Variants in CCDC102B observed in about 807,000 individuals in gnomAD.
CCDC102B encodes the protein coiled-coil domain-containing protein 102B.
In CCDC102B, 75 loss-of-function variants were observed where a neutral mutation model predicts 57.4. The ratio of observed to expected loss-of-function variants is 1.31; its 90% confidence interval spans 1.08 to 1.58. The LOEUF is 1.58. Ranked by LOEUF, CCDC102B falls within the 40% of genes most tolerant of loss-of-function variation. CCDC102B has a pLI of 0.00. For missense variants in CCDC102B, 636 were observed against 582.6 expected, an observed-to-expected ratio of 1.09 and a Z score of -0.94; for synonymous variants, 206 against 201.9, an observed-to-expected ratio of 1.02 and a Z score of -0.17.
intron 2 of CCDC102B, among the ~76,000 whole-genome samples, chr18:68,790,574 T>G (rs2035416517): frequency 6.6e-6 from 1 of 152,170 alleles, no homozygotes; most frequent in African/African-American, 2.4e-5. Context: ...AGTATTCGGG[T>G]GGGAGTGACC....
rs552594651 is a variant in CCDC102B at position 68,879,874 on chromosome 18, G to A, written c.1053+5089G>A. On this transcript the variant is annotated intron_variant, in intron 5 of 7. Transcript: ENST00000360242. ...TGCCGATTGGTGTATTTACAATCCC[G>A]GGGCTAGACATAAAGGTTCTCCACG... Among the ~76,000 whole-genome samples, 406 of 152,014 alleles carry A rather than the reference G, an allele frequency of 2.7e-3. 4 individuals are homozygous for A. The highest frequency in any genetic ancestry group is 5.2e-3 in the Non-Finnish European group (350 of 67,960).
intron 7 of CCDC102B, among the ~76,000 whole-genome samples, chr18:69,014,052 A>T (rs1211102725): frequency 6.6e-6 from 1 of 152,160 alleles, no homozygotes; most frequent in African/African-American, 2.4e-5. Flanking sequence ...AACATCTTCT[A>T]TTCAAGGTAA....
intron 6 of CCDC102B, among the ~76,000 whole-genome samples, chr18:68,941,095 T>G (rs1453179469): frequency 6.6e-6 from 1 of 151,608 alleles, no homozygotes; most frequent in Non-Finnish European, 1.5e-5. Context: ...TTATTTTTTT[T>G]GCATAAAACT....
At chr18:68,856,271 A>T (rs576798772) in intron 4 of CCDC102B, among the ~76,000 whole-genome samples, 93 of 152,246 alleles carry the variant, frequency 6.1e-4, no homozygotes, top group Admixed American at 2.7e-3. Context: ...AATGTAAAAC[A>T]TGCTTTTCTT....
chr18:68,793,074 C>A (rs2035515039), intron 2 of CCDC102B, among the ~76,000 whole-genome samples: 1 of 152,250 alleles, frequency 6.6e-6, no homozygotes, highest in Admixed American at 6.5e-5. Context: ...CCCAGCTGGT[C>A]TCTCCTGATT....
In CCDC102B at chr18:68,769,401, C is replaced by T. The variant is rs568257623; in HGVS notation, c.-67+52807C>T. Among the ~76,000 whole-genome samples the T allele has an allele frequency of 2.6e-5, 4 of 152,236 alleles. No individual in the cohort carries two copies. The South Asian group carries it at 8.3e-4, about 32-fold the overall frequency. ...AACCCTTATTACCTCCCAAAGGCCC[C>T]ATCTCCAAATAACATCATATTGGGG... On this transcript the variant is annotated intron_variant, in intron 2 of 3. Coordinates refer to the CCDC102B transcript ENST00000578970.
rs535494504 is a variant in CCDC102B, at chr18:68,896,283, G to C, written c.1054-936G>C. On this transcript the variant is annotated intron_variant, in intron 5 of 7. Transcript: ENST00000360242. ...GCAGAAAATAAATACATTTGATATT[G>C]CCTCTTTAAAACTTAAAGACATTAA... 1.9e-4 allele frequency among the ~76,000 whole-genome samples: 29 copies of C among 152,048 alleles called. No homozygotes were observed. In the South Asian group the frequency reaches 6.0e-3, roughly 32 times the overall value.
chr18:68,933,612 G>A (rs1465966251), intron 6 of CCDC102B, among the ~76,000 whole-genome samples: 1 of 151,798 alleles, frequency 6.6e-6, no homozygotes, highest in Admixed American at 6.6e-5. Flanking sequence ...TCCTTAGATT[G>A]CTCGATTATA....
chr18:68,816,132 T>C (rs2036463401), intron 1 of CCDC102B, among the ~76,000 whole-genome samples: 1 of 152,220 alleles, frequency 6.6e-6, no homozygotes, highest in African/African-American at 2.4e-5. Context: ...TAATACCCTC[T>C]ACCTTCACTG....
intron 1 of CCDC102B, among the ~76,000 whole-genome samples, chr18:68,800,706 C>G (rs1477799032): frequency 6.6e-6 from 1 of 152,046 alleles, no homozygotes. Context: ...AACGAACACT[C>G]AGCGACCAAA....
chr18:68,882,501 C>T (rs988951398), intron 5 of CCDC102B, among the ~76,000 whole-genome samples: 18 of 152,164 alleles, frequency 1.2e-4, no homozygotes, highest in Non-Finnish European at 1.6e-4. Context: ...TTTCTAGAAT[C>T]TAGAGTGATA....
At chr18:68,807,173 G>C (rs2036064217) in intron 1 of CCDC102B, among the ~76,000 whole-genome samples, 1 of 152,010 alleles carries the variant, frequency 6.6e-6, no homozygotes, top group Admixed American at 6.6e-5. Flanking sequence ...ATGTTATTTT[G>C]ATACTGAGAA....
intron 2 of CCDC102B, among the ~76,000 whole-genome samples, chr18:68,728,460 T>C (rs2032702161): frequency 6.6e-6 from 1 of 152,202 alleles, no homozygotes; most frequent in African/African-American, 2.4e-5. Context: ...AGTTTTGTCC[T>C]CCTAGTTAAA....
intron 6 of CCDC102B, among the ~76,000 whole-genome samples, chr18:68,962,545 A>G (rs1467238303): frequency 6.6e-6 from 1 of 152,030 alleles, no homozygotes; most frequent in African/African-American, 2.4e-5. Context: ...CCATCCATCC[A>G]TTATTCCATT....
intron 7 of CCDC102B, among the ~76,000 whole-genome samples, chr18:69,039,003 C>T (rs938404103): frequency 2.6e-5 from 4 of 151,960 alleles, no homozygotes; most frequent in Non-Finnish European, 5.9e-5. Context: ...AAAGCCCTCG[C>T]ATATTTTTAT....
At chr18:69,010,894 A>G (rs7234663) in intron 6 of CCDC102B, 40 bp from the exon 7 acceptor site, 1,460,057 of 1,461,596 alleles carry the variant, frequency 1, 729,275 homozygotes, top group East Asian at 1. Context: ...TTTTATCAGA[A>G]TAGACTATAA....
intron 6 of CCDC102B, among the ~76,000 whole-genome samples, chr18:68,945,022 A>G (rs368106171): frequency 2.0e-5 from 3 of 151,634 alleles, no homozygotes; most frequent in East Asian, 2.0e-4. Context: ...AAATAGTGTG[A>G]CATGCTACAG....
intron 7 of CCDC102B, among the ~76,000 whole-genome samples, chr18:69,045,711 T>C (rs2052544581): frequency 6.6e-6 from 1 of 152,044 alleles, no homozygotes; most frequent in Non-Finnish European, 1.5e-5. Context: ...ATAATAAGCA[T>C]AGCACCCAAT....
chr18:68,774,115 T>G (rs1365174844), intron 2 of CCDC102B, among the ~76,000 whole-genome samples: 1 of 151,996 alleles, frequency 6.6e-6, no homozygotes, highest in East Asian at 1.9e-4. Context: ...GAAGTTATAA[T>G]TTTTATTCAT....
Sources: gnomAD v4.1 joint callset for allele counts (sites outside exome capture counted in the v4.1 genomes callset) on GRCh38, gnomAD v4.1.1 for gene constraint, MANE v1.5 for transcripts, NCBI Gene and HGNC (gene_info 2026-07-23, HGNC 2026-07-21) for gene names.